Variants in ABL1 observed in about 807,000 individuals in gnomAD.
The protein encoded by ABL1 is tyrosine-protein kinase ABL1.
A neutral mutation model predicts 94.7 loss-of-function variants in ABL1; 11 were observed. The observed-to-expected ratio is 0.12, with a 90% CI of 0.07 to 0.19. The LOEUF (loss-of-function observed/expected upper bound fraction) is 0.19, where lower values mean the gene tolerates loss of function less well. Ranked by LOEUF, ABL1 falls within the 10% of genes least tolerant of loss-of-function variation. ABL1 has a pLI of 1.00. For synonymous variants in ABL1, 656 were observed against 622.4 expected, an observed-to-expected ratio of 1.05 and a Z score of -0.80; for missense variants, 1,082 against 1,489.4, an observed-to-expected ratio of 0.73 and a Z score of 4.50.
At chr9:130,818,279 G>A (rs59006292) in intron 1 of ABL1, among the ~76,000 whole-genome samples, 4,556 of 152,196 alleles carry the variant, frequency 0.03, 111 homozygotes, top group Middle Eastern at 0.065. Context: ...AGACCAGCTT[G>A]GCCAACATGG....
chr9:130,880,176 G>C lies in ABL1; in HGVS notation c.1513+19G>C. The stretch of plus-strand genomic sequence containing the variant: ...TCAGACGGTAAAGTACCCATCCCGG[G>C]GTACCTGCAGTGGGGTGAAAGGGCA... On this transcript the variant is annotated intron_variant, in intron 9 of 10. Coordinates refer to ENST00000318560, the MANE Select transcript of ABL1 (RefSeq NM_005157.6). This position sits in a 1 kb window ranked among gnomAD's most constrained non-coding sequence, Gnocchi z 4.4. The C allele has an allele frequency of 6.2e-7, 1 of 1,611,648 alleles. No homozygotes were observed. The highest frequency in any genetic ancestry group is 8.5e-7 in the Non-Finnish European group (1 of 1,177,822).
intron 3 of ABL1, among the ~76,000 whole-genome samples, chr9:130,859,046 C>T (rs1831019809): frequency 6.6e-6 from 1 of 152,212 alleles, no homozygotes; most frequent in African/African-American, 2.4e-5. Context: ...TCAAACATCT[C>T]TGGGTACCCG....
rs12682813 is a variant in ABL1 at position 130,784,163 on chromosome 9, A to G, written c.136+69708A>G. On this transcript the variant is annotated intron_variant, in intron 1 of 10. Coordinates refer to the ABL1 transcript ENST00000372348. ...TACATCTTAAAAGCAATATAATGCCATGGTTTAATTGGCACATGATTTAGT... is the reference window on the plus strand; with the variant it reads ...TACATCTTAAAAGCAATATAATGCCGTGGTTTAATTGGCACATGATTTAGT... Among the ~76,000 whole-genome samples, 182 of 152,332 alleles carry G rather than the reference A, an allele frequency of 1.2e-3. 1 individual carries two copies. The East Asian group carries it at 0.022, about 19-fold the overall frequency.
Position 130,843,943 on chromosome 9 carries a change from C to A in ABL1, c.79+8418C>A, listed in dbSNP as rs371152104. On this transcript the variant is annotated intron_variant, in intron 1 of 10. Transcript: ENST00000318560. ...ACTATAGTGGTGGAAGGAATAACAA[C>A]CCCAGCCATTTTTTGAGGGCCTGTG... 2.0e-5 allele frequency among the ~76,000 whole-genome samples: 3 copies of A among 152,238 alleles called. No homozygotes were observed. The East Asian group carries it at 5.8e-4, about 29-fold the overall frequency.
chr9:130,714,214 T>C, exon 1 of ABL1: 1 of 1,147,004 alleles, frequency 8.7e-7, no homozygotes, highest in African/African-American at 1.6e-5. Context: ...CTTGTGGAGA[T>C]GCAGCGAATG....
chr9:130,859,677 C>CTTTTTTTTTTTTTTTTTTTTT (rs869234280), intron 3 of ABL1, among the ~76,000 whole-genome samples: 4 of 78,456 alleles, frequency 5.1e-5, no homozygotes, highest in Admixed American at 1.5e-4. Context: ...TCTTTCTTTC[C>CTTTTTTTTTTTTTTTTTTTTT]TTTTTTTTTT....
chr9:130,860,843 G>A (rs1449022830), intron 3 of ABL1, among the ~76,000 whole-genome samples: 2 of 152,222 alleles, frequency 1.3e-5, no homozygotes, highest in East Asian at 3.8e-4. Context: ...GTCTTTTCCA[G>A]AGGGTCGGGG....
chr9:130,850,882 G>T (rs545667132), intron 1 of ABL1, among the ~76,000 whole-genome samples: 1 of 152,198 alleles, frequency 6.6e-6, no homozygotes, highest in South Asian at 2.1e-4. Flanking sequence ...CTAAATGGGG[G>T]TGGGGATCAC....
chr9:130,760,982 CTT>C (rs1832106610), intron 1 of ABL1, among the ~76,000 whole-genome samples: 2 of 107,898 alleles, frequency 1.9e-5, no homozygotes, highest in South Asian at 3.5e-4. Flanking sequence ...GAGTCTCGCT[CTT>C]TCGCCCAGGC....
At chr9:130,807,195 A>G (rs546939412) in intron 1 of ABL1, among the ~76,000 whole-genome samples, 9 of 152,186 alleles carry the variant, frequency 5.9e-5, no homozygotes, top group East Asian at 1.9e-4. Flanking sequence ...ATGGTATTCT[A>G]TTGTGTGAGT....
chr9:130,822,463 T>TA lies in ABL1; in HGVS notation c.137-31599dup, dbSNP rs71389366. ...GCTTTTTTTTTTTTTTTTTTTTTTT[T>TA]AAGAGACAGGGTCTTGCTGTGTTGT... is the stretch of plus-strand genomic sequence containing the variant. On this transcript the variant is annotated intron_variant, in intron 1 of 10. Coordinates refer to the ABL1 transcript ENST00000372348. Among the ~76,000 whole-genome samples, 22 of 147,796 alleles carry TA rather than the reference T, an allele frequency of 1.5e-4. No individual in the cohort carries two copies. The East Asian group carries it at 1.8e-3, about 12-fold the overall frequency.
intron 1 of ABL1, among the ~76,000 whole-genome samples, chr9:130,841,861 A>G (rs1166988530): frequency 6.6e-6 from 1 of 151,968 alleles, no homozygotes; most frequent in African/African-American, 2.4e-5. Context: ...ATGTTACACC[A>G]TAAATATTTT....
exon 1 of ABL1, chr9:130,714,349 G>A: frequency 2.5e-6 from 4 of 1,612,874 alleles, no homozygotes; most frequent in Non-Finnish European, 3.4e-6. Flanking sequence ...AAGTACTTGG[G>A]GACCAAAGAA....
chr9:130,850,787 A>G (rs1196195291), intron 1 of ABL1, among the ~76,000 whole-genome samples: 3 of 152,130 alleles, frequency 2.0e-5, no homozygotes, highest in Admixed American at 6.5e-5. Context: ...GATAACAGGC[A>G]TGAGCCACCG....
At chr9:130,876,761 C>CGG (rs1318654314) in intron 7 of ABL1, among the ~76,000 whole-genome samples, 1 of 88,274 alleles carries the variant, frequency 1.1e-5, no homozygotes, top group Non-Finnish European at 2.1e-5. Flanking sequence ...TTTTTTGAGA[C>CGG]AGTCTCACTC....
chr9:130,850,408 A>C (rs1056115712), intron 1 of ABL1, among the ~76,000 whole-genome samples: 2 of 152,216 alleles, frequency 1.3e-5, no homozygotes, highest in Non-Finnish European at 2.9e-5. Context: ...TTCTCCCTCC[A>C]TCTGTAGGAA....
Position 130,886,195 on chromosome 9 carries a change from C to T in ABL1, c.*512C>T, listed in dbSNP as rs1200891765. 2.1e-5 allele frequency: 5 copies of T among 239,048 alleles called. No individual in the cohort carries two copies. Among genetic ancestry groups the T allele is most frequent in the Admixed American group, 5.3e-5 (1 of 18,788 alleles). The allele number at this position is 239,048 out of a possible 1,614,324, so 14.8% of individuals were successfully genotyped here. On this transcript the variant is annotated 3_prime_UTR_variant, in exon 11 of 11. Transcript: ENST00000318560. ...TGTGCTGAAGACATGTTTCAAGAAC[C>T]GCATTTCGGGAAGGGCATGCACGGG...
At position 130,863,165 on chromosome 9, in the gene ABL1, CT is replaced by C. The variant is rs1176369610; in HGVS notation, c.822+134del. The C allele has an allele frequency of 4.8e-5, 51 of 1,055,024 alleles. No individual in the cohort carries two copies. The East Asian group carries it at 1.3e-3, about 26-fold the overall frequency. 65.4% of individuals were successfully genotyped at this position (1,055,024 alleles called of 1,614,324 possible). On this transcript the variant is annotated intron_variant, in intron 4 of 10. Transcript: ENST00000318560. This position sits in a 1 kb window ranked among gnomAD's most constrained non-coding sequence, Gnocchi z 4.3. ...GGCTTCATTGGCGCCACGGAATTGA[CT>C]TTTCCGTCTTATATCATTCCTGTGT...
chr9:130,755,223 C>G (rs1233067994), intron 1 of ABL1, among the ~76,000 whole-genome samples: 1 of 152,084 alleles, frequency 6.6e-6, no homozygotes, highest in Non-Finnish European at 1.5e-5. Flanking sequence ...AAGGAGTACC[C>G]TTAAGTAGGA....
Sources: allele counts gnomAD v4.1 joint callset (sites outside exome capture counted in the v4.1 genomes callset), GRCh38; gene constraint gnomAD v4.1.1; non-coding constraint Gnocchi (gnomAD v3.1); transcripts MANE v1.5; gene names NCBI Gene and HGNC (gene_info 2026-07-23, HGNC 2026-07-21).